Variants in SPATS2L observed in about 807,000 individuals in gnomAD.
SPATS2L encodes SPATS2-like protein.
A neutral mutation model predicts 59.6 loss-of-function variants in SPATS2L; 30 were observed. The observed-to-expected ratio is 0.50, with a 90% confidence interval of 0.38 to 0.68. The LOEUF (loss-of-function observed/expected upper bound fraction) is 0.68, where lower values mean the gene tolerates loss of function less well. Ranked by LOEUF, SPATS2L falls within the 30% of genes least tolerant of loss-of-function variation. The pLI is 0.00. For missense variants in SPATS2L, 615 were observed against 700.0 expected (o/e 0.88, Z 1.37); for synonymous variants, 252 against 263.5 (o/e 0.96, Z 0.42).
At position 200,432,805 on chromosome 2, in the gene SPATS2L, T is replaced by G. The variant is rs552729063; in HGVS notation, c.446-6317T>G. Among the ~76,000 whole-genome samples, 13 of 152,298 alleles carry G rather than the reference T, an allele frequency of 8.5e-5. No individual in the cohort carries two copies. The South Asian group carries it at 2.7e-3, about 32-fold the overall frequency. On this transcript the variant is annotated intron_variant, in intron 6 of 12. Transcript: ENST00000409140. ...AAAAGAAAATTTAAGTCATCAGGTG[T>G]GCTTAGCAACAGTTCAGACGATGAA...
At chr2:200,456,202 T>A (rs2085824109) in intron 8 of SPATS2L, among the ~76,000 whole-genome samples, 1 of 152,212 alleles carries the variant, frequency 6.6e-6, no homozygotes. Context: ...TTGCATCAGT[T>A]CATCAGCTCC....
chr2:200,476,737 A>G (rs1350497343), intron 12 of SPATS2L, among the ~76,000 whole-genome samples: 1 of 152,256 alleles, frequency 6.6e-6, no homozygotes, highest in Non-Finnish European at 1.5e-5. Context: ...GGACGGCTTA[A>G]GTATTTAACA....
chr2:200,364,219 T>C (rs2081196591), intron 2 of SPATS2L, among the ~76,000 whole-genome samples: 13 of 152,144 alleles, frequency 8.5e-5, no homozygotes, highest in Admixed American at 8.5e-4. Context: ...TACAAAACTG[T>C]AAGGTAATGA....
At chr2:200,419,561 TTGGGG>T in intron 6 of SPATS2L, 65 bp downstream of exon 6, 1 of 1,560,506 alleles carries the variant, frequency 6.4e-7, no homozygotes, top group Non-Finnish European at 8.8e-7. Flanking sequence ...AGGGAGCTCA[TTGGGG>T]CTGCTGTTGA....
chr2:200,460,829 T>G (rs924449264), intron 9 of SPATS2L: 7 of 151,860 alleles, frequency 4.6e-5, no homozygotes, highest in African/African-American at 1.7e-4. Flanking sequence ...TTGTTTTTGT[T>G]TTTTACAGAG....
intron 2 of SPATS2L, among the ~76,000 whole-genome samples, chr2:200,341,814 C>T (rs907455476): frequency 1.5e-4 from 23 of 151,718 alleles, no homozygotes; most frequent in African/African-American, 4.1e-4. Flanking sequence ...CTCAGCCTCC[C>T]GAGTAGCTGG....
chr2:200,318,706 T>C (rs1199983112), intron 1 of SPATS2L, among the ~76,000 whole-genome samples: 2 of 152,236 alleles, frequency 1.3e-5, no homozygotes, highest in Non-Finnish European at 2.9e-5. Context: ...TACTTACATG[T>C]GTGTACTAGG....
At chr2:200,329,054 A>G (rs2079848940) in intron 1 of SPATS2L, among the ~76,000 whole-genome samples, 2 of 152,186 alleles carry the variant, frequency 1.3e-5, no homozygotes, top group Admixed American at 1.3e-4. Context: ...AGAGTATTGA[A>G]GAGTTAGCCT....
rs879143347 is a variant in SPATS2L, at chr2:200,329,578, C to A, written c.-23+98C>A. On this transcript the variant is annotated intron_variant, in intron 2 of 12. Transcript: ENST00000409140. The stretch of plus-strand genomic sequence containing the variant: ...CTGCCTCCTGGGAGCCTTGTCACAG[C>A]CTTTGGCCGCCTCTGCTGCCTCTCA... The A allele has an allele frequency of 1.5e-5, 15 of 1,013,408 alleles. No homozygotes were observed. The Admixed American group carries it at 2.7e-4, about 18-fold the overall frequency. The allele number at this position is 1,013,408 out of a possible 1,614,324, so 62.8% of individuals were successfully genotyped here. A position where few individuals can be genotyped will look rare whatever the true frequency, so the allele number is the denominator to read the frequency against.
intron 2 of SPATS2L, among the ~76,000 whole-genome samples, chr2:200,355,525 A>G (rs1355006575): frequency 2.0e-5 from 3 of 152,194 alleles, no homozygotes; most frequent in Admixed American, 2.0e-4. Flanking sequence ...GCATTTAGTG[A>G]TTTCTGTTTC....
Position 200,478,005 on chromosome 2 carries a change from G to A in SPATS2L, c.1651G>A (p.Val551Ile). The A allele has an allele frequency of 6.4e-7, 1 of 1,569,466 alleles. No homozygotes were observed. Among genetic ancestry groups the A allele is most frequent in the Non-Finnish European group, 8.6e-7 (1 of 1,157,096 alleles). ...TTCCACAGATGCAGCAGTTCTCTCA[G>A]TCCCGGCTGTGACGTTGGTGGCCTG... ...EVSTDAAVLSVPAVTLVA is the reference protein window; with the variant it reads ...EVSTDAAVLSIPAVTLVA The change falls in exon 13 of 13, where the codon GTC becomes ATC. Residue 551 changes from valine (V) to isoleucine (I), a missense_variant. Physicochemically the swap from Val to Ile is conservative, Grantham distance 29. Transcript: ENST00000409140.
intron 3 of SPATS2L, among the ~76,000 whole-genome samples, chr2:200,392,625 GT>G (rs978048697): frequency 1.3e-5 from 2 of 152,130 alleles, no homozygotes; most frequent in African/African-American, 2.4e-5. Flanking sequence ...ATTTTTTACT[GT>G]TTTTTTCCCA....
intron 3 of SPATS2L, among the ~76,000 whole-genome samples, chr2:200,398,024 A>G (rs918054069): frequency 1.3e-5 from 2 of 152,202 alleles, no homozygotes; most frequent in East Asian, 3.9e-4. Flanking sequence ...GAATGTCTCA[A>G]ACTTACAATG....
intron 6 of SPATS2L, among the ~76,000 whole-genome samples, chr2:200,426,934 A>G (rs2083615606): frequency 6.6e-6 from 1 of 152,196 alleles, no homozygotes; most frequent in African/African-American, 2.4e-5. Context: ...AGAAAGAGAC[A>G]GACACAGGAT....
chr2:200,308,175 AG>A (rs2079088292), intron 1 of SPATS2L, among the ~76,000 whole-genome samples: 1 of 151,434 alleles, frequency 6.6e-6, no homozygotes, highest in African/African-American at 2.4e-5. Context: ...TGTTTTCCAG[AG>A]TTTAAGCAGA....
intron 2 of SPATS2L, among the ~76,000 whole-genome samples, chr2:200,360,577 G>A (rs990479388): frequency 6.6e-6 from 1 of 152,194 alleles, no homozygotes; most frequent in East Asian, 1.9e-4. Context: ...GAGGAAGGGG[G>A]GTTACCCTGT....
chr2:200,470,048 T>G, intron 11 of SPATS2L, 32 bp downstream of exon 11: 1 of 1,537,262 alleles, frequency 6.5e-7, no homozygotes, highest in African/African-American at 1.4e-5. Context: ...AATAATTCTG[T>G]GTGAGTAACC....
intron 2 of SPATS2L, among the ~76,000 whole-genome samples, chr2:200,369,530 C>T (rs928016143): frequency 6.6e-6 from 1 of 151,998 alleles, no homozygotes; most frequent in Non-Finnish European, 1.5e-5. Flanking sequence ...AAGAGAGAGA[C>T]AGAATCCCAT....
At chr2:200,356,278 C>T (rs1472966073) in intron 2 of SPATS2L, among the ~76,000 whole-genome samples, 2 of 152,052 alleles carry the variant, frequency 1.3e-5, no homozygotes, top group Non-Finnish European at 2.9e-5. Context: ...TGCATAAAAG[C>T]ACATTATACA....
Sources: allele counts gnomAD v4.1 joint callset (sites outside exome capture counted in the v4.1 genomes callset), GRCh38; gene constraint gnomAD v4.1.1; transcripts MANE v1.5; gene names NCBI Gene and HGNC (gene_info 2026-07-23, HGNC 2026-07-21).